PHKB: variants seen among roughly 807,000 people sequenced by gnomAD.
The protein encoded by PHKB is phosphorylase b kinase regulatory subunit beta.
PHKB carries 122 observed loss-of-function variants against 152.1 expected under a neutral mutation model. The observed-to-expected ratio is 0.80, with a 90% CI of 0.69 to 0.93. The LOEUF is 0.93. Ranked by LOEUF, PHKB falls within the 40% of genes least tolerant of loss-of-function variation. The pLI, the probability that PHKB is intolerant of heterozygous loss-of-function variation, is 0.00. For synonymous variants in PHKB, 436 were observed against 464.9 expected, an observed-to-expected ratio of 0.94 and a Z score of 0.80; for missense variants, 1,304 against 1,328.4, an observed-to-expected ratio of 0.98 and a Z score of 0.29.
At chr16:47,533,247 T>C (rs1419830406) in intron 6 of PHKB, among the ~76,000 whole-genome samples, 1 of 152,150 alleles carries the variant, frequency 6.6e-6, no homozygotes, top group African/African-American at 2.4e-5. Context: ...GGGGCTTTTA[T>C]GGGCCTCAGG....
chr16:47,543,481 C>T (rs1481007470), intron 6 of PHKB, among the ~76,000 whole-genome samples: 2 of 151,944 alleles, frequency 1.3e-5, no homozygotes, highest in African/African-American at 4.8e-5. Context: ...CTTGTGTCTG[C>T]CAGGCTTTAG....
chr16:47,555,967 A>G (rs1055821142), intron 7 of PHKB, among the ~76,000 whole-genome samples: 3 of 152,032 alleles, frequency 2.0e-5, no homozygotes, highest in Non-Finnish European at 2.9e-5. Flanking sequence ...GTGGTTTGTA[A>G]TTCTCCTTGA....
At chr16:47,692,788 G>A (rs1233993865) in intron 27 of PHKB, among the ~76,000 whole-genome samples, 3 of 151,988 alleles carry the variant, frequency 2.0e-5, no homozygotes, top group Non-Finnish European at 4.4e-5. Context: ...ACTACATTCT[G>A]TTATTATAAT....
chr16:47,694,306 TAG>T, intron 28 of PHKB, among the ~76,000 whole-genome samples: 1 of 152,230 alleles, frequency 6.6e-6, no homozygotes, highest in Admixed American at 6.5e-5. Flanking sequence ...CTTTTGGAAA[TAG>T]AGTACTGTAA....
intron 5 of PHKB, 46 bp from the exon 6 acceptor site, chr16:47,515,475 G>A: frequency 1.2e-6 from 1 of 854,818 alleles, no homozygotes. Context: ...TTTATAACTT[G>A]TTTTGGTTGT....
chr16:47,616,251 C>T (rs190435102), intron 14 of PHKB, among the ~76,000 whole-genome samples: 137 of 151,718 alleles, frequency 9.0e-4, no homozygotes, highest in South Asian at 2.7e-3. Context: ...ATTGCCTAAT[C>T]CAAGGTCATG....
chr16:47,695,914 G>T (rs1039432901), intron 28 of PHKB, among the ~76,000 whole-genome samples: 1 of 152,162 alleles, frequency 6.6e-6, no homozygotes, highest in African/African-American at 2.4e-5. Flanking sequence ...TCCCAGTTCT[G>T]CACATAATAT....
intron 18 of PHKB, among the ~76,000 whole-genome samples, chr16:47,650,265 A>T (rs1382422827): frequency 6.6e-6 from 1 of 152,106 alleles, no homozygotes. Flanking sequence ...TTAACATTTA[A>T]AAAAAAGAGG....
At chr16:47,624,269 G>A (rs976297962) in intron 14 of PHKB, among the ~76,000 whole-genome samples, 2 of 152,158 alleles carry the variant, frequency 1.3e-5, no homozygotes, top group Non-Finnish European at 2.9e-5. Flanking sequence ...ACATGGTCAG[G>A]TATCTGGACA....
At chr16:47,512,046 GC>G (rs1970519395) in intron 5 of PHKB, among the ~76,000 whole-genome samples, 1 of 152,220 alleles carries the variant, frequency 6.6e-6, no homozygotes, top group African/African-American at 2.4e-5. Context: ...CTGAGAGGAG[GC>G]AGAGCTCAGG....
At chr16:47,689,580 C>T (rs1974024617) in intron 27 of PHKB, among the ~76,000 whole-genome samples, 1 of 152,156 alleles carries the variant, frequency 6.6e-6, no homozygotes, top group East Asian at 1.9e-4. Context: ...ACTTTGTCTC[C>T]CTAAATAGAC....
Position 47,641,655 on chromosome 16 carries a change from A to C in PHKB, c.1571A>C (p.Glu524Ala). 6.2e-7 allele frequency: 1 copy of C among 1,607,206 alleles called. No homozygotes were observed. The highest frequency in any genetic ancestry group is 1.1e-5 in the South Asian group (1 of 90,942). The change falls in exon 16 of 31, where the codon GAA (glutamate) becomes GCA (alanine). Residue 524 changes from glutamate (E) to alanine (A), a missense_variant. Physicochemically the swap from Glu to Ala is moderately radical, Grantham distance 107. Transcript: ENST00000323584. ...CAAACTCAAACTCCTCAACAAGTAG[A>C]ACCCATTCAGATATGGCCTCAGCAG... is the stretch of plus-strand genomic sequence containing the variant. ...GIQTQTPQQV[E>A]PIQIWPQQEL...
intron 7 of PHKB, chr16:47,548,117 A>T (rs1971206061): frequency 6.4e-6 from 1 of 155,442 alleles, no homozygotes; most frequent in African/African-American, 2.4e-5. Flanking sequence ...ATTTCTTTTA[A>T]TCCTTAGGGT....
chr16:47,532,958 G>A (rs1567294989), intron 6 of PHKB, among the ~76,000 whole-genome samples: 1 of 152,222 alleles, frequency 6.6e-6, no homozygotes, highest in Non-Finnish European at 1.5e-5. Context: ...CAACTTAGAG[G>A]AGACCTGCAG....
At chr16:47,682,970 T>A (rs1266635098) in intron 26 of PHKB, among the ~76,000 whole-genome samples, 1 of 152,222 alleles carries the variant, frequency 6.6e-6, no homozygotes. Flanking sequence ...GTTTGTTAGT[T>A]TTCCTTCTAA....
chr16:47,536,092 C>G (rs1597063860), intron 6 of PHKB, among the ~76,000 whole-genome samples: 1 of 152,260 alleles, frequency 6.6e-6, no homozygotes, highest in East Asian at 1.9e-4. Context: ...ACTCTTGTTG[C>G]CCAGGCTGGA....
intron 6 of PHKB, 74 bp from the exon 7 acceptor site, chr16:47,547,359 A>G (rs1971190219): frequency 2.3e-6 from 2 of 877,482 alleles, no homozygotes; most frequent in South Asian, 1.3e-5. Flanking sequence ...CTGGGATTAC[A>G]GGCATGAGCC....
chr16:47,553,646 C>T (rs997231386), intron 7 of PHKB, among the ~76,000 whole-genome samples: 1 of 152,174 alleles, frequency 6.6e-6, no homozygotes, highest in Admixed American at 6.5e-5. Context: ...CGTTTTTGCA[C>T]TGGTTTCTCC....
chr16:47,570,377 C>G (rs1413575995), intron 7 of PHKB, among the ~76,000 whole-genome samples: 1 of 152,148 alleles, frequency 6.6e-6, no homozygotes, highest in Admixed American at 6.5e-5. Flanking sequence ...AGTAGGTTTT[C>G]TAAACTTTTT....
Sources: gnomAD v4.1 joint callset for allele counts (sites outside exome capture counted in the v4.1 genomes callset) on GRCh38, gnomAD v4.1.1 for gene constraint, MANE v1.5 for transcripts, NCBI Gene and HGNC (gene_info 2026-07-23, HGNC 2026-07-21) for gene names.